The following TMEM117 variants were observed in gnomAD, a reference collection of about 807,000 sequenced individuals.
TMEM117 encodes transmembrane protein 117.
In TMEM117, 27 loss-of-function variants were observed where a neutral mutation model predicts 52.4. The ratio of observed to expected loss-of-function variants is 0.51; its 90% CI spans 0.38 to 0.71. The LOEUF (loss-of-function observed/expected upper bound fraction) is 0.71. Among genes scored for constraint, TMEM117 ranks in the 30% least tolerant of loss-of-function variants. The probability of loss-of-function intolerance (pLI) is 0.00; values close to 1 mark genes in which losing one functional copy is unlikely to be tolerated. For synonymous variants in TMEM117, 215 were observed against 206.3 expected (o/e 1.04, Z -0.36); for missense variants, 556 against 630.5 (o/e 0.88, Z 1.26).
chr12:43,927,362 A>T (rs2137570763), intron 2 of TMEM117, among the ~76,000 whole-genome samples: 1 of 152,000 alleles, frequency 6.6e-6, no homozygotes, highest in South Asian at 2.1e-4. Flanking sequence ...TAATTGTTGC[A>T]TGCAGGGTTC....
chr12:44,070,269 T>C (rs759256587), intron 3 of TMEM117, among the ~76,000 whole-genome samples: 1 of 152,190 alleles, frequency 6.6e-6, no homozygotes, highest in Non-Finnish European at 1.5e-5. Flanking sequence ...TTCATGGTTA[T>C]AGGATGGCTG....
the TMEM117 span, among the ~76,000 whole-genome samples, chr12:43,802,070 A>T: frequency 6.6e-6 from 1 of 152,176 alleles, no homozygotes; most frequent in Non-Finnish European, 1.5e-5. Flanking sequence ...AAATTTTTAA[A>T]TCTTAAATCA....
At chr12:43,927,822 C>T (rs1393986129) in intron 2 of TMEM117, among the ~76,000 whole-genome samples, 1 of 152,032 alleles carries the variant, frequency 6.6e-6, no homozygotes, top group Non-Finnish European at 1.5e-5. Context: ...TGCAAACACA[C>T]ATCTTTGGAT....
At chr12:43,933,610 C>T (rs1944906620) in intron 2 of TMEM117, among the ~76,000 whole-genome samples, 1 of 151,644 alleles carries the variant, frequency 6.6e-6, no homozygotes, top group Non-Finnish European at 1.5e-5. Context: ...TGTCGCCAGG[C>T]TGGGATTCAG....
intron 3 of TMEM117, among the ~76,000 whole-genome samples, chr12:43,992,422 C>T (rs543104053): frequency 2.6e-5 from 4 of 152,010 alleles, no homozygotes; most frequent in Admixed American, 6.6e-5. Flanking sequence ...TGCATGCCAT[C>T]CTGCCTGGCT....
chr12:44,391,527 A>G (rs577144671), downstream of TMEM117, among the ~76,000 whole-genome samples: 3 of 152,134 alleles, frequency 2.0e-5, no homozygotes, highest in Non-Finnish European at 4.4e-5. Flanking sequence ...CCACTGGCTG[A>G]CAGTACAGTG....
chr12:44,219,763 C>A lies in TMEM117; in HGVS notation c.608+8376C>A, dbSNP rs544449108. On this transcript the variant is annotated intron_variant, in intron 5 of 7. Coordinates refer to ENST00000266534, the MANE Select transcript of TMEM117 (RefSeq NM_032256.3). ...CACATTATAGCTACTCAAATAATAA[C>A]TGTACTCCTTGGAAAATAATGAGTT... 3.9e-5 allele frequency among the ~76,000 whole-genome samples: 6 copies of A among 152,216 alleles called. No individual in the cohort carries two copies. The East Asian group carries it at 1.2e-3, about 29-fold the overall frequency.
chr12:43,826,530 A>G, the TMEM117 span, among the ~76,000 whole-genome samples: 2 of 152,322 alleles, frequency 1.3e-5, no homozygotes, highest in South Asian at 4.1e-4. Context: ...TTTTCTGCTC[A>G]TAATTCCAGG....
chr12:44,391,486 T>A (rs1483756191), downstream of TMEM117, among the ~76,000 whole-genome samples: 1 of 152,098 alleles, frequency 6.6e-6, no homozygotes, highest in African/African-American at 2.4e-5. Context: ...TAGTATCAGA[T>A]TTCACACAAG....
upstream of TMEM117, among the ~76,000 whole-genome samples, chr12:43,832,676 T>C (rs1224610424): frequency 1.3e-5 from 2 of 152,176 alleles, no homozygotes; most frequent in African/African-American, 4.8e-5. Context: ...TCCTCTTATA[T>C]GGGGAGGAAG....
At chr12:44,324,304 T>C (rs1951169548) in intron 6 of TMEM117, among the ~76,000 whole-genome samples, 1 of 152,066 alleles carries the variant, frequency 6.6e-6, no homozygotes, top group South Asian at 2.1e-4. Flanking sequence ...CTATTATTAG[T>C]AGTACTATTT....
intron 6 of TMEM117, among the ~76,000 whole-genome samples, chr12:44,358,855 A>T (rs992365085): frequency 4.6e-5 from 7 of 152,138 alleles, no homozygotes; most frequent in Non-Finnish European, 7.4e-5. Context: ...CCCAGCCTGC[A>T]ACTAACTAGG....
chr12:44,376,578 T>C lies in TMEM117; in HGVS notation c.769-17T>C, dbSNP rs199643524. ...TGAAACGAATCACAAATGTTTTTAT[T>C]TGATTTTCTCTGACAGGACTGGGAA... On this transcript the variant is annotated splice_polypyrimidine_tract_variant and intron_variant, in intron 6 of 7. Coordinates refer to ENST00000266534, the MANE Select transcript of TMEM117 (RefSeq NM_032256.3). 23 of 1,586,696 alleles carry C rather than the reference T, an allele frequency of 1.4e-5. No homozygotes were observed. The highest frequency in any genetic ancestry group is 2.0e-5 in the Non-Finnish European group (23 of 1,169,572).
chr12:44,158,600 C>T (rs1037079986), intron 4 of TMEM117, among the ~76,000 whole-genome samples: 1 of 152,098 alleles, frequency 6.6e-6, no homozygotes, highest in Non-Finnish European at 1.5e-5. Flanking sequence ...AGTCTGAGTT[C>T]TATTATTCAA....
At chr12:43,824,870 A>T in the TMEM117 span, among the ~76,000 whole-genome samples, 1 of 152,158 alleles carries the variant, frequency 6.6e-6, no homozygotes, top group Non-Finnish European at 1.5e-5. Flanking sequence ...AGCTTGCAGT[A>T]AGCCAAGATT....
At chr12:44,333,037 G>C (rs1592699760) in intron 6 of TMEM117, among the ~76,000 whole-genome samples, 1 of 151,936 alleles carries the variant, frequency 6.6e-6, no homozygotes, top group African/African-American at 2.4e-5. Flanking sequence ...ATTACAGTTT[G>C]ATAAGATGTA....
At chr12:44,004,733 C>T (rs2137788512) in intron 3 of TMEM117, among the ~76,000 whole-genome samples, 1 of 152,156 alleles carries the variant, frequency 6.6e-6, no homozygotes, top group East Asian at 1.9e-4. Context: ...AAAATTCCAC[C>T]CCCAGCCATC....
chr12:43,975,203 C>T (rs1338443015), intron 3 of TMEM117, among the ~76,000 whole-genome samples: 1 of 152,060 alleles, frequency 6.6e-6, no homozygotes. Flanking sequence ...AGTCTCAACA[C>T]CTCATATTTA....
chr12:44,015,702 C>T (rs1282471050), intron 3 of TMEM117, among the ~76,000 whole-genome samples: 2 of 152,022 alleles, frequency 1.3e-5, no homozygotes, highest in Non-Finnish European at 2.9e-5. Flanking sequence ...CTAATAGAAA[C>T]AATAAAATAA....
Sources: gnomAD v4.1 joint callset for allele counts (sites outside exome capture counted in the v4.1 genomes callset) on GRCh38, gnomAD v4.1.1 for gene constraint, MANE v1.5 for transcripts, NCBI Gene and HGNC (gene_info 2026-07-23, HGNC 2026-07-21) for gene names.